Variants in TSPEAR observed in about 807,000 individuals in gnomAD.
TSPEAR encodes the protein thrombospondin-type laminin G domain and EAR repeat-containing protein.
Under a neutral mutation model 71.6 loss-of-function variants are expected in TSPEAR, and 69 were observed. The observed-to-expected ratio is 0.96, with a 90% CI of 0.79 to 1.18. TSPEAR has a LOEUF of 1.18. TSPEAR is among the 50% of genes most tolerant of loss of function. The probability of loss-of-function intolerance (pLI) is 0.00; values close to 1 mark genes in which losing one functional copy is unlikely to be tolerated. For missense variants in TSPEAR, 971 were observed against 894.9 expected, an observed-to-expected ratio of 1.09 and a Z score of -1.09; for synonymous variants, 402 against 387.2, an observed-to-expected ratio of 1.04 and a Z score of -0.45.
chr21:44,661,920 C>T (rs975539645), intron 1 of TSPEAR, among the ~76,000 whole-genome samples: 1 of 152,170 alleles, frequency 6.6e-6, no homozygotes, highest in African/African-American at 2.4e-5. Flanking sequence ...GCCCCACCTC[C>T]AACACTGGAG....
At chr21:44,608,275 C>T (rs1981437467) in intron 1 of TSPEAR, among the ~76,000 whole-genome samples, 1 of 152,202 alleles carries the variant, frequency 6.6e-6, no homozygotes, top group South Asian at 2.1e-4. Context: ...GGGTTATTTG[C>T]AATTCCCATA....
intron 1 of TSPEAR, chr21:44,646,737 C>T: frequency 1.2e-6 from 2 of 1,614,154 alleles, no homozygotes; most frequent in Non-Finnish European, 8.5e-7. Context: ...GCACCTCCTC[C>T]CCCTGCCAGC....
chr21:44,526,016 C>T lies in TSPEAR; in HGVS notation c.1150-177G>A, dbSNP rs143697926. 516 of 577,014 alleles carry T rather than the reference C, an allele frequency of 8.9e-4. 3 individuals carry two copies. Among genetic ancestry groups the T allele is most frequent in the African/African-American group, 8.3e-3 (450 of 54,030 alleles). 35.7% of individuals were successfully genotyped at this position (577,014 alleles called of 1,614,324 possible). A position where few individuals can be genotyped will look rare whatever the true frequency, so the allele number is the denominator to read the frequency against. On this transcript the variant is annotated intron_variant, in intron 7 of 11. Coordinates refer to ENST00000323084, the MANE Select transcript of TSPEAR (RefSeq NM_144991.3). ...CATCATGGTGGGGTGGGCGCAGAGC[C>T]GGTCATTACATTCATCAAGACCCTT...
At chr21:44,570,355 C>G (rs144285396) in intron 1 of TSPEAR, among the ~76,000 whole-genome samples, 2 of 152,212 alleles carry the variant, frequency 1.3e-5, no homozygotes, top group Non-Finnish European at 2.9e-5. Flanking sequence ...GAGTGGACAC[C>G]CAAGGGCAGA....
At chr21:44,657,633 A>G (rs1452380958) in intron 1 of TSPEAR, among the ~76,000 whole-genome samples, 2 of 152,246 alleles carry the variant, frequency 1.3e-5, no homozygotes, top group Non-Finnish European at 2.9e-5. Context: ...GCATGAAACA[A>G]AAGTGAAACA....
At chr21:44,504,953 T>C (rs986097634) in intron 10 of TSPEAR, 72 bp from the exon 11 acceptor site, 2 of 1,259,654 alleles carry the variant, frequency 1.6e-6, no homozygotes, top group Admixed American at 1.8e-5. Flanking sequence ...GGCCAGAAGC[T>C]ACCTCCAAAA....
intron 7 of TSPEAR, 100 bp downstream of exon 7, chr21:44,527,192 A>G (rs2052873765): frequency 3.5e-6 from 4 of 1,155,524 alleles, no homozygotes; most frequent in Non-Finnish European, 3.8e-6. Context: ...ACACCGTGAG[A>G]AACTCCTTTA....
chr21:44,528,387 A>G, intron 6 of TSPEAR, 65 bp downstream of exon 6: 1 of 1,603,716 alleles, frequency 6.2e-7, no homozygotes, highest in Non-Finnish European at 8.5e-7. Flanking sequence ...CCTAGCCTCC[A>G]CTCCCAGTCA....
chr21:44,524,627 G>A (rs1433669138), intron 8 of TSPEAR, among the ~76,000 whole-genome samples: 1 of 151,714 alleles, frequency 6.6e-6, no homozygotes, highest in Non-Finnish European at 1.5e-5. Context: ...AGTCAGTCAG[G>A]TAGTCAGTCA....
At chr21:44,648,078 AG>A (rs1474637862) in intron 1 of TSPEAR, among the ~76,000 whole-genome samples, 1 of 152,170 alleles carries the variant, frequency 6.6e-6, no homozygotes, top group Non-Finnish European at 1.5e-5. Context: ...CTGCCCCGAG[AG>A]TTTGAGGGCC....
intron 1 of TSPEAR, among the ~76,000 whole-genome samples, chr21:44,645,910 C>T (rs587599540): frequency 6.6e-6 from 1 of 151,164 alleles, no homozygotes; most frequent in Admixed American, 6.6e-5. Flanking sequence ...GAGGCTGAGG[C>T]GGGTAGATCA....
chr21:44,527,264 T>C (rs782063220), intron 7 of TSPEAR, 28 bp downstream of exon 7: 3 of 1,611,978 alleles, frequency 1.9e-6, no homozygotes, highest in Middle Eastern at 1.7e-4. Flanking sequence ...AGAAAGGGGA[T>C]GGAGAAAGTC....
At chr21:44,551,744 C>A (rs1479501741) in intron 2 of TSPEAR, among the ~76,000 whole-genome samples, 1 of 152,124 alleles carries the variant, frequency 6.6e-6, no homozygotes, top group Non-Finnish European at 1.5e-5. Context: ...CTGAGCCTGT[C>A]CCCCGGGAAC....
intron 2 of TSPEAR, chr21:44,558,159 G>C: frequency 6.2e-7 from 1 of 1,611,536 alleles, no homozygotes; most frequent in South Asian, 1.1e-5. Flanking sequence ...GCAGCAGCTG[G>C]GCTGGCAGGT....
At chr21:44,704,567 C>A (rs1421013569) in intron 1 of TSPEAR, among the ~76,000 whole-genome samples, 2 of 152,220 alleles carry the variant, frequency 1.3e-5, no homozygotes, top group African/African-American at 4.8e-5. Context: ...CTGGATGGAG[C>A]TGGTTACCCA....
At chr21:44,667,004 T>G (rs1985820435) in intron 1 of TSPEAR, 1 of 1,186,636 alleles carries the variant, frequency 8.4e-7, no homozygotes, top group East Asian at 2.6e-5. Context: ...ACACCTGTCT[T>G]CCTTGTTTTT....
chr21:44,508,657 G>A, intron 10 of TSPEAR: 1 of 1,195,672 alleles, frequency 8.4e-7, no homozygotes, highest in East Asian at 5.9e-5. Context: ...GTGTCGGTCT[G>A]GAACCATCAC....
At chr21:44,680,151 A>G (rs1246791211) in intron 1 of TSPEAR, among the ~76,000 whole-genome samples, 1 of 152,240 alleles carries the variant, frequency 6.6e-6, no homozygotes. Flanking sequence ...ACAAGTGACT[A>G]ATATCCAGAA....
chr21:44,597,535 C>G (rs377395368), intron 1 of TSPEAR, among the ~76,000 whole-genome samples: 1 of 151,476 alleles, frequency 6.6e-6, no homozygotes, highest in East Asian at 1.9e-4. Flanking sequence ...TGGGTTCAAG[C>G]GATTCTCCTG....
Sources: allele counts gnomAD v4.1 joint callset (sites outside exome capture counted in the v4.1 genomes callset), GRCh38; gene constraint gnomAD v4.1.1; transcripts MANE v1.5; gene names NCBI Gene and HGNC (gene_info 2026-07-23, HGNC 2026-07-21).